SCARA3: variants seen among roughly 807,000 people sequenced by gnomAD.
SCARA3 encodes the protein cellular stress response gene protein.
Under a neutral mutation model 47.0 loss-of-function variants are expected in SCARA3, and 39 were observed. The observed-to-expected ratio is 0.83, with a 90% CI of 0.64 to 1.08. The LOEUF (loss-of-function observed/expected upper bound fraction) is 1.08, where lower values mean the gene tolerates loss of function less well. SCARA3 is among the 50% of genes least tolerant of loss of function. SCARA3 has a pLI of 0.00. For missense variants in SCARA3, 724 were observed against 792.3 expected (o/e 0.91, Z 1.04); for synonymous variants, 356 against 334.1 (o/e 1.07, Z -0.71).
chr8:27,724,657 C>T, the SCARA3 span, among the ~76,000 whole-genome samples: 2 of 152,074 alleles, frequency 1.3e-5, no homozygotes, highest in Admixed American at 6.6e-5. Context: ...GACTCCTTCT[C>T]AAAACAAAAC....
the SCARA3 span, among the ~76,000 whole-genome samples, chr8:27,719,793 C>T: frequency 6.6e-6 from 1 of 152,102 alleles, no homozygotes; most frequent in South Asian, 2.1e-4. Flanking sequence ...TCTCCCTTCC[C>T]AACTGTCTTT....
the SCARA3 span, among the ~76,000 whole-genome samples, chr8:27,706,870 T>C: frequency 6.6e-6 from 1 of 152,004 alleles, no homozygotes. Flanking sequence ...AGCTCTGAAG[T>C]AGCTCAGAAC....
At chr8:27,727,620 G>A in the SCARA3 span, among the ~76,000 whole-genome samples, 1 of 152,178 alleles carries the variant, frequency 6.6e-6, no homozygotes, top group African/African-American at 2.4e-5. Flanking sequence ...GCTCTCCAGA[G>A]CCCTTAAAAA....
the SCARA3 span, among the ~76,000 whole-genome samples, chr8:27,689,375 A>G: frequency 6.6e-6 from 1 of 152,152 alleles, no homozygotes; most frequent in African/African-American, 2.4e-5. Flanking sequence ...CACAAGGAAG[A>G]GGAACGAGGA....
At position 27,634,097 on chromosome 8, in the gene SCARA3, C is replaced by A; in HGVS notation, c.-104C>A. The A allele has an allele frequency of 8.7e-7, 1 of 1,152,974 alleles. No homozygotes were observed. Among genetic ancestry groups the A allele is most frequent in the Non-Finnish European group, 1.1e-6 (1 of 882,552 alleles). The allele number at this position is 1,152,974 out of a possible 1,614,324, so 71.4% of individuals were successfully genotyped here. A position where few individuals can be genotyped will look rare whatever the true frequency, so the allele number is the denominator to read the frequency against. On this transcript the variant is annotated 5_prime_UTR_variant, in exon 1 of 6. Coordinates refer to ENST00000301904, the MANE Select transcript of SCARA3 (RefSeq NM_016240.3). ...GGAGCCCCACGGCCGCGGGCGGCGC[C>A]TAGGACGGCGATCCGCGCCCTGGAG... is the stretch of plus-strand genomic sequence containing the variant.
At chr8:27,681,332 CA>C (rs55909436), downstream of SCARA3, among the ~76,000 whole-genome samples, 145,605 of 152,214 alleles carry the variant, frequency 0.96, 69,990 homozygotes, top group Middle Eastern at 1. Context: ...ATACTAGCTA[CA>C]AAAAAATTTA....
the SCARA3 span, among the ~76,000 whole-genome samples, chr8:27,729,971 G>A: frequency 1.9e-4 from 29 of 152,040 alleles, no homozygotes; most frequent in Non-Finnish European, 2.9e-4. Flanking sequence ...ATTCTGATGG[G>A]GTAAGAAGAG....
chr8:27,677,231 C>T (rs1343179311), downstream of SCARA3, among the ~76,000 whole-genome samples: 1 of 152,220 alleles, frequency 6.6e-6, no homozygotes, highest in Admixed American at 6.5e-5. Context: ...GGGCCACTTT[C>T]CAAACTACCA....
chr8:27,692,673 T>TA, the SCARA3 span, among the ~76,000 whole-genome samples: 23 of 151,998 alleles, frequency 1.5e-4, no homozygotes, highest in East Asian at 3.9e-3. Flanking sequence ...TTAAGCCTGA[T>TA]TAAAAAAAAT....
chr8:27,654,601 T>TA (rs11453615), intron 3 of SCARA3, among the ~76,000 whole-genome samples: 42,959 of 149,312 alleles, frequency 0.29, 6,701 homozygotes, highest in East Asian at 0.47. Flanking sequence ...TCATTTCAAT[T>TA]AAAAAAAAAA....
chr8:27,662,482 C>A (rs911884968), intron 5 of SCARA3, among the ~76,000 whole-genome samples: 6 of 152,226 alleles, frequency 3.9e-5, no homozygotes, highest in Non-Finnish European at 8.8e-5. Flanking sequence ...CAGTCAGGAG[C>A]AATGCTGTGT....
intron 3 of SCARA3, among the ~76,000 whole-genome samples, chr8:27,653,154 A>G (rs2128919048): frequency 6.6e-6 from 1 of 152,326 alleles, no homozygotes; most frequent in South Asian, 2.1e-4. Flanking sequence ...ACAGCACTCA[A>G]GGCACCTGGG....
chr8:27,727,989 C>T, the SCARA3 span, among the ~76,000 whole-genome samples: 4 of 152,174 alleles, frequency 2.6e-5, no homozygotes, highest in South Asian at 2.1e-4. Context: ...TGGAACTTGG[C>T]GATGGGCCGG....
chr8:27,653,570 CGT>C lies in SCARA3; in HGVS notation c.226+1972_226+1973del, dbSNP rs61545866. On this transcript the variant is annotated intron_variant, in intron 3 of 5. Transcript: ENST00000301904. ...AAAGAATGATTATAGATTTGTAAAG[CGT>C]GTGTGTGTGTGTGTGTGTGTGTGTG... Among the ~76,000 whole-genome samples, 628 of 144,498 alleles carry C rather than the reference CGT, an allele frequency of 4.3e-3. 3 individuals are homozygous for C. In the East Asian group the frequency reaches 0.044, roughly 10 times the overall value. The allele number at this position is 144,498 out of a possible 152,430, so 94.8% of individuals were successfully genotyped here. A position where few individuals can be genotyped will look rare whatever the true frequency, so the allele number is the denominator to read the frequency against.
the SCARA3 span, among the ~76,000 whole-genome samples, chr8:27,726,267 G>A: frequency 6.6e-6 from 1 of 152,214 alleles, no homozygotes; most frequent in Non-Finnish European, 1.5e-5. Context: ...TTAGCTGGGT[G>A]TAGTGGTGTG....
downstream of SCARA3, among the ~76,000 whole-genome samples, chr8:27,678,944 T>C (rs1366497613): frequency 6.6e-6 from 1 of 152,068 alleles, no homozygotes; most frequent in Non-Finnish European, 1.5e-5. Context: ...TCCCAGCACT[T>C]TGGGAGGCTG....
At chr8:27,633,643 C>T (rs1441669572), upstream of SCARA3, among the ~76,000 whole-genome samples, 2 of 152,104 alleles carry the variant, frequency 1.3e-5, no homozygotes, top group Non-Finnish European at 1.5e-5. Context: ...GAGGACGCCG[C>T]GGGAGCCCGG....
intron 1 of SCARA3, among the ~76,000 whole-genome samples, chr8:27,636,361 T>G (rs951717246): frequency 1.3e-5 from 2 of 152,098 alleles, no homozygotes; most frequent in African/African-American, 4.8e-5. Flanking sequence ...CGCTTGAGCC[T>G]GGGAGTTTGA....
chr8:27,672,682 C>G lies in SCARA3; in HGVS notation c.*1331C>G. ...ATCACTCCTTGGCACCCACCAACTT[C>G]CTGCACACACTGGCAGAGAGGGGCG... is the stretch of plus-strand genomic sequence containing the variant. On this transcript the variant is annotated 3_prime_UTR_variant, in exon 6 of 6. Transcript: ENST00000301904. The G allele has an allele frequency of 1.0e-6, 1 of 985,694 alleles. No individual in the cohort carries two copies. Among genetic ancestry groups the G allele is most frequent in the Non-Finnish European group, 1.2e-6 (1 of 830,132 alleles). The allele number at this position is 985,694 out of a possible 1,614,324, so 61.1% of individuals were successfully genotyped here.
Sources: allele counts gnomAD v4.1 joint callset (sites outside exome capture counted in the v4.1 genomes callset), GRCh38; gene constraint gnomAD v4.1.1; transcripts MANE v1.5; gene names NCBI Gene and HGNC (gene_info 2026-07-23, HGNC 2026-07-21).